Variants in OLIG1 observed in about 807,000 individuals in gnomAD.
OLIG1 encodes basic domain, helix-loop-helix protein, class B, 6.
OLIG1 carries 9 observed loss-of-function variants against 13.5 expected under a neutral mutation model. The ratio of observed to expected loss-of-function variants is 0.67; its 90% CI spans 0.40 to 1.17. The LOEUF is 1.17. OLIG1 is among the 50% of genes most tolerant of loss of function. The pLI is 0.01. For synonymous variants in OLIG1, 215 were observed against 208.3 expected, an observed-to-expected ratio of 1.03 and a Z score of -0.28; for missense variants, 362 against 392.2, an observed-to-expected ratio of 0.92 and a Z score of 0.65.
rs1343631206 is a variant in OLIG1, at chr21:33,070,569, G to A, written c.323G>A (p.Arg108His). 6.5e-7 allele frequency: 1 copy of A among 1,538,156 alleles called. No homozygotes were observed. Among genetic ancestry groups the A allele is most frequent in the Middle Eastern group, 1.7e-4 (1 of 5,756 alleles). Residue 108 changes from arginine (R) to histidine (H), a missense_variant, in exon 1 of 1, where the codon CGC (arginine) becomes CAC (histidine). Coordinates refer to ENST00000382348, the MANE Select transcript of OLIG1 (RefSeq NM_138983.3). This position sits in a 1 kb window ranked among gnomAD's most constrained non-coding sequence, Gnocchi z 5.9. Reference sequence around the variant, plus strand: ...GAGGAGCAGCAGCAGCAGCTGCGGCGCAAGATCAACAGCCGCGAGCGGAAG... The same window carrying A: ...GAGGAGCAGCAGCAGCAGCTGCGGCACAAGATCAACAGCCGCGAGCGGAAG... The part of the protein sequence containing the change: ...AKEEQQQQLR[R>H]KINSRERKRM...
Position 33,072,062 on chromosome 21 carries a change from A to G in OLIG1, c.*1000A>G, listed in dbSNP as rs1449316637. 1 of 167,084 alleles carries G rather than the reference A, an allele frequency of 6.0e-6. No homozygotes were observed. The highest frequency in any genetic ancestry group is 2.4e-5 in the African/African-American group (1 of 41,464). The allele number at this position is 167,084 out of a possible 1,614,324, so 10.4% of individuals were successfully genotyped here. A position where few individuals can be genotyped will look rare whatever the true frequency, so the allele number is the denominator to read the frequency against. ...CTCATTAACACGCAGGAGTACCGGG[A>G]GCCCTGAACCGCCCGCTGCTCGGCG... On this transcript the variant is annotated 3_prime_UTR_variant, in exon 1 of 1. Transcript: ENST00000382348.
In OLIG1 at chr21:33,071,023, C is replaced by T; in HGVS notation, c.777C>T (p.Ser259=). The T allele has an allele frequency of 4.6e-6, 7 of 1,509,534 alleles. No homozygotes were observed. The highest frequency in any genetic ancestry group is 6.2e-6 in the Non-Finnish European group (7 of 1,135,014). 93.5% of individuals were successfully genotyped at this position (1,509,534 alleles called of 1,614,324 possible). Residue 259 remains serine, a synonymous_variant, in exon 1 of 1, where the codon AGC becomes AGT. Coordinates refer to ENST00000382348, the MANE Select transcript of OLIG1 (RefSeq NM_138983.3). This position sits in a 1 kb window ranked among gnomAD's most constrained non-coding sequence, Gnocchi z 6.0. ...VCKFPHLVPA[S]LGLAAVQAQF... ...AGTTCCCGCACCTGGTCCCGGCCAGCCTGGGCCTGGCCGCCGTGCAGGCGC... is the reference window on the plus strand; with the variant it reads ...AGTTCCCGCACCTGGTCCCGGCCAGTCTGGGCCTGGCCGCCGTGCAGGCGC...
chr21:33,070,329 T>A lies in OLIG1; in HGVS notation c.83T>A (p.Leu28His). 6.5e-7 allele frequency: 1 copy of A among 1,546,710 alleles called. No homozygotes were observed. The highest frequency in any genetic ancestry group is 1.2e-5 in the South Asian group (1 of 83,814). ...CCACAGCGGCCCGGAGACTTGCAGCTCGGGGCCTCCCTCTACGAGCTGGTG... is the reference window on the plus strand; with the variant it reads ...CCACAGCGGCCCGGAGACTTGCAGCACGGGGCCTCCCTCTACGAGCTGGTG... Reference protein sequence around the residue: ...LRPQRPGDLQLGASLYELVGY... With the variant: ...LRPQRPGDLQHGASLYELVGY... The change falls in exon 1 of 1, where the codon CTC becomes CAC. Residue 28 changes from leucine to histidine, a missense_variant. Around this residue, in one of 3 missense-constraint regions of OLIG1, gnomAD observed 206 missense variants for 197.2 expected, o/e 1.04. Coordinates refer to ENST00000382348, the MANE Select transcript of OLIG1 (RefSeq NM_138983.3). This position sits in a 1 kb window ranked among gnomAD's most constrained non-coding sequence, Gnocchi z 5.9.
Position 33,070,521 on chromosome 21 carries a change from G to GCAGCGCCCGGCCGGACGC in OLIG1, c.278_295dup (p.Ser93_Ala98dup), listed in dbSNP as rs1982189588. ...CCCGGGTCAGGCGCGCACCCGGGCG[G>GCAGCGCCCGGCCGGACGC]CAGCGCCCGGCCGGACGCCAAGGAG... On this transcript the variant is annotated inframe_insertion, in exon 1 of 1. Coordinates refer to ENST00000382348, the MANE Select transcript of OLIG1 (RefSeq NM_138983.3). This position sits in a 1 kb window ranked among gnomAD's most constrained non-coding sequence, Gnocchi z 5.9. 2.0e-6 allele frequency: 3 copies of GCAGCGCCCGGCCGGACGC among 1,497,866 alleles called. No homozygotes were observed. The highest frequency in any genetic ancestry group is 8.9e-7 in the Non-Finnish European group (1 of 1,129,524). 92.8% of individuals were successfully genotyped at this position (1,497,866 alleles called of 1,614,324 possible).
Position 33,070,547 on chromosome 21 carries a change from G to GAGC in OLIG1, c.314_316dup (p.Gln105dup), listed in dbSNP as rs768992557. On this transcript the variant is annotated inframe_insertion, in exon 1 of 1. Coordinates refer to ENST00000382348, the MANE Select transcript of OLIG1 (RefSeq NM_138983.3). The surrounding 1 kb of genome is among the most constrained non-coding windows in gnomAD (Gnocchi z 5.9). Reference sequence around the variant, plus strand: ...CAGCGCCCGGCCGGACGCCAAGGAGGAGCAGCAGCAGCAGCTGCGGCGCAA... The same window carrying GAGC: ...CAGCGCCCGGCCGGACGCCAAGGAGGAGCAGCAGCAGCAGCAGCTGCGGCGCAA... 635 of 1,512,546 alleles carry GAGC rather than the reference G, an allele frequency of 4.2e-4. 2 individuals carry two copies. Among genetic ancestry groups the GAGC allele is most frequent in the South Asian group, 1.5e-3 (118 of 81,108 alleles). 93.7% of individuals were successfully genotyped at this position (1,512,546 alleles called of 1,614,324 possible). A position where few individuals can be genotyped will look rare whatever the true frequency, so the allele number is the denominator to read the frequency against.
chr21:33,070,602 A>G lies in OLIG1; in HGVS notation c.356A>G (p.Gln119Arg). The change falls in exon 1 of 1, where the codon CAG becomes CGG. Residue 119 changes from glutamine to arginine, a missense_variant. Coordinates refer to ENST00000382348, the MANE Select transcript of OLIG1 (RefSeq NM_138983.3). This position sits in a 1 kb window ranked among gnomAD's most constrained non-coding sequence, Gnocchi z 5.9. The stretch of plus-strand genomic sequence containing the variant: ...AACAGCCGCGAGCGGAAGCGCATGC[A>G]GGACCTGAACCTGGCCATGGACGCC... ...KINSRERKRM[Q>R]DLNLAMDALR... is the part of the protein sequence containing the mutation. 6.4e-7 allele frequency: 1 copy of G among 1,572,160 alleles called. No homozygotes were observed. The highest frequency in any genetic ancestry group is 8.6e-7 in the Non-Finnish European group (1 of 1,165,906).
In OLIG1 at chr21:33,070,668, A is replaced by C. The variant is rs1982196499; in HGVS notation, c.422A>C (p.Gln141Pro). 6.5e-7 allele frequency: 1 copy of C among 1,548,748 alleles called. No individual in the cohort carries two copies. The highest frequency in any genetic ancestry group is 1.4e-5 in the African/African-American group (1 of 70,386). ...VILPYSAAHC[Q>P]GAPGRKLSKI... Reference sequence around the variant, plus strand: ...CTGCCCTACTCAGCGGCGCACTGCCAGGGCGCGCCCGGCCGCAAGCTCTCC... The same window carrying C: ...CTGCCCTACTCAGCGGCGCACTGCCCGGGCGCGCCCGGCCGCAAGCTCTCC... The change falls in exon 1 of 1, where the codon CAG becomes CCG. Residue 141 changes from glutamine to proline, a missense_variant. Transcript: ENST00000382348. This position sits in a 1 kb window ranked among gnomAD's most constrained non-coding sequence, Gnocchi z 5.9.
In OLIG1 at chr21:33,071,197, G is replaced by A; in HGVS notation, c.*135G>A. The A allele has an allele frequency of 2.4e-6, 2 of 833,404 alleles. No individual in the cohort carries two copies. The highest frequency in any genetic ancestry group is 2.4e-5 in the South Asian group (1 of 42,264). 51.6% of individuals were successfully genotyped at this position (833,404 alleles called of 1,614,324 possible). Reference sequence around the variant, plus strand: ...TCGAACCTTCCAGTCCAGAGGAAGGGACTGTCGGGCACCCCCTTCCCCGCC... The same window carrying A: ...TCGAACCTTCCAGTCCAGAGGAAGGAACTGTCGGGCACCCCCTTCCCCGCC... On this transcript the variant is annotated 3_prime_UTR_variant, in exon 1 of 1. Coordinates refer to ENST00000382348, the MANE Select transcript of OLIG1 (RefSeq NM_138983.3). This position sits in a 1 kb window ranked among gnomAD's most constrained non-coding sequence, Gnocchi z 6.0.
Position 33,071,314 on chromosome 21 carries a change from C to T in OLIG1, c.*252C>T. 1 of 367,754 alleles carries T rather than the reference C, an allele frequency of 2.7e-6. No individual in the cohort carries two copies. Among genetic ancestry groups the T allele is most frequent in the Non-Finnish European group, 5.2e-6 (1 of 193,892 alleles). 22.8% of individuals were successfully genotyped at this position (367,754 alleles called of 1,614,324 possible). A position where few individuals can be genotyped will look rare whatever the true frequency, so the allele number is the denominator to read the frequency against. On this transcript the variant is annotated 3_prime_UTR_variant, in exon 1 of 1. Coordinates refer to ENST00000382348, the MANE Select transcript of OLIG1 (RefSeq NM_138983.3). The surrounding 1 kb of genome is among the most constrained non-coding windows in gnomAD (Gnocchi z 6.0). ...CTGGGTCGGTTCCAGCGGCTTTAGG[C>T]AGAAAGTGCTCGCTCTCACCCAGCA...
Position 33,070,319 on chromosome 21 carries a change from G to A in OLIG1, c.73G>A (p.Asp25Asn). ...CATGCTGCGGCCACAGCGGCCCGGA[G>A]ACTTGCAGCTCGGGGCCTCCCTCTA... is the stretch of plus-strand genomic sequence containing the variant. Reference protein sequence around the residue: ...GTMLRPQRPGDLQLGASLYEL... With the variant: ...GTMLRPQRPGNLQLGASLYEL... Residue 25 changes from aspartate (D) to asparagine (N), a missense_variant, in exon 1 of 1, where the codon GAC becomes AAC. Asp to Asn is a conservative substitution (Grantham distance 23). Around this residue, in one of 3 missense-constraint regions of OLIG1, gnomAD observed 206 missense variants for 197.2 expected, o/e 1.04. Coordinates refer to ENST00000382348, the MANE Select transcript of OLIG1 (RefSeq NM_138983.3). This position sits in a 1 kb window ranked among gnomAD's most constrained non-coding sequence, Gnocchi z 5.9. 6.5e-7 allele frequency: 1 copy of A among 1,546,796 alleles called. No individual in the cohort carries two copies. Among genetic ancestry groups the A allele is most frequent in the Non-Finnish European group, 8.7e-7 (1 of 1,145,598 alleles).
Position 33,070,748 on chromosome 21 carries a change from C to G in OLIG1, c.502C>G (p.Leu168Val). ...RNYILLLGSS[L>V]QELRRALGEG... is the part of the protein sequence containing the mutation. ...CTACATCCTACTGCTGGGCAGCTCG[C>G]TGCAGGAGCTGCGCCGCGCGCTGGG... The change falls in exon 1 of 1, where the codon CTG becomes GTG. Residue 168 changes from leucine to valine, a missense_variant. Leu to Val is a conservative substitution (Grantham distance 32). Around this residue, in one of 3 missense-constraint regions of OLIG1, gnomAD observed 94 missense variants for 146.0 expected, o/e 0.64. Coordinates refer to ENST00000382348, the MANE Select transcript of OLIG1 (RefSeq NM_138983.3). The surrounding 1 kb of genome is among the most constrained non-coding windows in gnomAD (Gnocchi z 5.9). 7.5e-7 allele frequency: 1 copy of G among 1,326,630 alleles called. No individual in the cohort carries two copies. Among genetic ancestry groups the G allele is most frequent in the Non-Finnish European group, 9.6e-7 (1 of 1,040,672 alleles). 82.2% of individuals were successfully genotyped at this position (1,326,630 alleles called of 1,614,324 possible).
rs1982242713 is a variant in OLIG1 at position 33,071,907 on chromosome 21, T to G, written c.*845T>G. 1.2e-5 allele frequency: 2 copies of G among 167,092 alleles called. No homozygotes were observed. The highest frequency in any genetic ancestry group is 1.3e-4 in the Admixed American group (2 of 15,288). The allele number at this position is 167,092 out of a possible 1,614,324, so 10.4% of individuals were successfully genotyped here. A position where few individuals can be genotyped will look rare whatever the true frequency, so the allele number is the denominator to read the frequency against. ...CCTTTCGTTTCCCTTTCCCCAAAAGTAGCGTAACCAACATTTAAGCTTGCT... is the reference window on the plus strand; with the variant it reads ...CCTTTCGTTTCCCTTTCCCCAAAAGGAGCGTAACCAACATTTAAGCTTGCT... On this transcript the variant is annotated 3_prime_UTR_variant, in exon 1 of 1. Transcript: ENST00000382348. The surrounding 1 kb of genome is among the most constrained non-coding windows in gnomAD (Gnocchi z 6.0).
At position 33,071,039 on chromosome 21, in the gene OLIG1, G is replaced by C. The variant is rs751587297; in HGVS notation, c.793G>C (p.Val265Leu). The change falls in exon 1 of 1, where the codon GTG becomes CTG. Residue 265 changes from valine to leucine, a missense_variant. Around this residue, in one of 3 missense-constraint regions of OLIG1, gnomAD observed 62 missense variants for 49.1 expected, o/e 1.26. Transcript: ENST00000382348. The surrounding 1 kb of genome is among the most constrained non-coding windows in gnomAD (Gnocchi z 6.0). Reference sequence around the variant, plus strand: ...CCCGGCCAGCCTGGGCCTGGCCGCCGTGCAGGCGCAATTCTCCAAGTGAGG... The same window carrying C: ...CCCGGCCAGCCTGGGCCTGGCCGCCCTGCAGGCGCAATTCTCCAAGTGAGG... ...LVPASLGLAA[V>L]QAQFSK is the part of the protein sequence containing the mutation. The C allele has an allele frequency of 6.9e-7, 1 of 1,451,698 alleles. No homozygotes were observed. Among genetic ancestry groups the C allele is most frequent in the Admixed American group, 2.2e-5 (1 of 46,060 alleles). The allele number at this position is 1,451,698 out of a possible 1,614,324, so 89.9% of individuals were successfully genotyped here.
chr21:33,070,780 C>T lies in OLIG1; in HGVS notation c.534C>T (p.Gly178=), dbSNP rs747267194. ...AGCTGCGCCGCGCGCTGGGCGAGGG[C>T]GCCGGGCCCGCCGCGCCGCGCCTGC... is the stretch of plus-strand genomic sequence containing the variant. The part of the protein sequence containing the change: ...LQELRRALGE[G]AGPAAPRLLL... Residue 178 remains glycine (G), a synonymous_variant, in exon 1 of 1, where the codon GGC becomes GGT. Coordinates refer to ENST00000382348, the MANE Select transcript of OLIG1 (RefSeq NM_138983.3). This position sits in a 1 kb window ranked among gnomAD's most constrained non-coding sequence, Gnocchi z 5.9. The T allele has an allele frequency of 8.2e-6, 10 of 1,212,318 alleles. No homozygotes were observed. The highest frequency in any genetic ancestry group is 4.4e-5 in the Admixed American group (1 of 22,646). 75.1% of individuals were successfully genotyped at this position (1,212,318 alleles called of 1,614,324 possible).
chr21:33,070,469 G>A lies in OLIG1; in HGVS notation c.223G>A (p.Ala75Thr). ...LPKAAREKPE[A>T]PAEPPGPGPG... ...CAAGGCTGCGCGCGAGAAGCCGGAG[G>A]CGCCGGCCGAGCCTCCAGGCCCCGG... Residue 75 changes from alanine to threonine, a missense_variant, in exon 1 of 1, where the codon GCG becomes ACG. Transcript: ENST00000382348. This position sits in a 1 kb window ranked among gnomAD's most constrained non-coding sequence, Gnocchi z 5.9. 6.6e-7 allele frequency: 1 copy of A among 1,524,182 alleles called. No individual in the cohort carries two copies. The highest frequency in any genetic ancestry group is 8.8e-7 in the Non-Finnish European group (1 of 1,140,536). 94.4% of individuals were successfully genotyped at this position (1,524,182 alleles called of 1,614,324 possible).
In OLIG1 at chr21:33,072,298, T is replaced by G. The variant is rs1021465884; in HGVS notation, c.*1236T>G. The G allele has an allele frequency of 1.6e-4, 27 of 167,186 alleles. No homozygotes were observed. Among genetic ancestry groups the G allele is most frequent in the Non-Finnish European group, 7.3e-5 (5 of 68,134 alleles). The allele number at this position is 167,186 out of a possible 1,614,324, so 10.4% of individuals were successfully genotyped here. Reference sequence around the variant, plus strand: ...CTTTCCGCAGTTTACTTTGATTTTCTATGTTTAAGGTTTTGGTTGTTGGTA... The same window carrying G: ...CTTTCCGCAGTTTACTTTGATTTTCGATGTTTAAGGTTTTGGTTGTTGGTA... On this transcript the variant is annotated 3_prime_UTR_variant, in exon 1 of 1. Transcript: ENST00000382348.
At position 33,070,361 on chromosome 21, in the gene OLIG1, A is replaced by C; in HGVS notation, c.115A>C (p.Arg39=). The C allele has an allele frequency of 1.3e-6, 2 of 1,545,932 alleles. No individual in the cohort carries two copies. The highest frequency in any genetic ancestry group is 8.7e-7 in the Non-Finnish European group (1 of 1,145,692). The change falls in exon 1 of 1, where the codon AGG becomes CGG. Residue 39 remains arginine (R), a synonymous_variant. Coordinates refer to ENST00000382348, the MANE Select transcript of OLIG1 (RefSeq NM_138983.3). This position sits in a 1 kb window ranked among gnomAD's most constrained non-coding sequence, Gnocchi z 5.9. ...GASLYELVGY[R]QPPSSSSSST... is the part of the protein sequence containing the mutation. Reference sequence around the variant, plus strand: ...CTCCCTCTACGAGCTGGTGGGCTACAGGCAGCCGCCCTCCTCCTCCTCCTC... The same window carrying C: ...CTCCCTCTACGAGCTGGTGGGCTACCGGCAGCCGCCCTCCTCCTCCTCCTC...
Position 33,070,685 on chromosome 21 carries a change from A to C in OLIG1, c.439A>C (p.Lys147Gln). The change falls in exon 1 of 1, where the codon AAG (lysine) becomes CAG (glutamine). Residue 147 changes from lysine (K) to glutamine (Q), a missense_variant. This residue lies in a region of OLIG1 where 94 missense variants were observed against 146.0 expected (regional missense o/e 0.64). Coordinates refer to ENST00000382348, the MANE Select transcript of OLIG1 (RefSeq NM_138983.3). The surrounding 1 kb of genome is among the most constrained non-coding windows in gnomAD (Gnocchi z 5.9). ...AAHCQGAPGR[K>Q]LSKIATLLLA... ...GCACTGCCAGGGCGCGCCCGGCCGC[A>C]AGCTCTCCAAGATAGCCACGCTGCT... The C allele has an allele frequency of 7.1e-6, 11 of 1,543,166 alleles. No individual in the cohort carries two copies. The highest frequency in any genetic ancestry group is 9.6e-6 in the Non-Finnish European group (11 of 1,151,642).
Position 33,070,453 on chromosome 21 carries a change from G to C in OLIG1, c.207G>C (p.Ala69=). The C allele has an allele frequency of 6.6e-7, 1 of 1,524,378 alleles. No individual in the cohort carries two copies. 94.4% of individuals were successfully genotyped at this position (1,524,378 alleles called of 1,614,324 possible). Residue 69 remains alanine, a synonymous_variant, in exon 1 of 1, where the codon GCG becomes GCC. Transcript: ENST00000382348. This position sits in a 1 kb window ranked among gnomAD's most constrained non-coding sequence, Gnocchi z 5.9. The part of the protein sequence containing the change: ...STTAPLLPKA[A]REKPEAPAEP... ...CGGCCCCCCTCCTCCCCAAGGCTGC[G>C]CGCGAGAAGCCGGAGGCGCCGGCCG...
Sources: gnomAD v4.1 joint callset for allele counts on GRCh38, gnomAD v4.1.1 for gene constraint, gnomAD v4.1.1 regional missense constraint, Gnocchi (gnomAD v3.1) non-coding constraint, MANE v1.5 for transcripts, NCBI Gene and HGNC (gene_info 2026-07-23, HGNC 2026-07-21) for gene names.